NRG3: variants seen among roughly 807,000 people sequenced by gnomAD.
The protein encoded by NRG3 is neuregulin 3, also known as pro-neuregulin-3, membrane-bound isoform.
Under a neutral mutation model 66.9 loss-of-function variants are expected in NRG3, and 31 were observed. The observed-to-expected ratio is 0.46, with a 90% CI of 0.35 to 0.63. The LOEUF (loss-of-function observed/expected upper bound fraction) is 0.63. Among genes scored for constraint, NRG3 ranks in the 20% least tolerant of loss-of-function variants. NRG3 has a pLI of 0.00. For synonymous variants in NRG3, 393 were observed against 359.4 expected (o/e 1.09, Z -1.06); for missense variants, 910 against 878.9 (o/e 1.04, Z -0.45).
At chr10:82,516,058 T>C (rs558178520) in intron 2 of NRG3, among the ~76,000 whole-genome samples, 148 of 152,258 alleles carry the variant, frequency 9.7e-4, no homozygotes, top group Non-Finnish European at 1.7e-3. Flanking sequence ...GTCTCAGAAC[T>C]TGTATGGCCA....
intron 2 of NRG3, among the ~76,000 whole-genome samples, chr10:82,688,738 T>C (rs541380027): frequency 2.6e-5 from 4 of 151,266 alleles, no homozygotes; most frequent in African/African-American, 9.7e-5. Flanking sequence ...AGAATGGCAT[T>C]CTCCTAGAAC....
intron 3 of NRG3, among the ~76,000 whole-genome samples, chr10:82,749,053 T>C (rs535847925): frequency 6.6e-6 from 1 of 152,268 alleles, no homozygotes; most frequent in East Asian, 1.9e-4. Flanking sequence ...GGATTTGTGG[T>C]GTCTTCTAAC....
chr10:82,795,665 A>C (rs1225454924), intron 3 of NRG3, among the ~76,000 whole-genome samples: 1 of 152,228 alleles, frequency 6.6e-6, no homozygotes, highest in Non-Finnish European at 1.5e-5. Context: ...AAAGTAGGAA[A>C]TAGAAAAATG....
chr10:81,899,464 A>T (rs772257805), intron 1 of NRG3, among the ~76,000 whole-genome samples: 22 of 152,242 alleles, frequency 1.4e-4, no homozygotes, highest in Non-Finnish European at 2.8e-4. Context: ...TGAAACATCC[A>T]TCATGATTCC....
rs1318852353 is a variant in NRG3, at chr10:82,614,315, A to C, written c.954-124262A>C. Among the ~76,000 whole-genome samples the C allele has an allele frequency of 3.3e-5, 5 of 152,178 alleles. No homozygotes were observed. The East Asian group carries it at 9.7e-4, about 29-fold the overall frequency. ...GCAGATGTGTACAGCAGCATTTTCC[A>C]ATGAGTTTGACATGGTTATGCTCTG... On this transcript the variant is annotated intron_variant, in intron 2 of 8. Transcript: ENST00000372141.
At chr10:82,648,199 A>T (rs1449310056) in intron 2 of NRG3, among the ~76,000 whole-genome samples, 3 of 152,268 alleles carry the variant, frequency 2.0e-5, no homozygotes, top group Non-Finnish European at 2.9e-5. Context: ...TAAGAAAGGG[A>T]TCCAGTTTCA....
chr10:82,946,550 C>T (rs1201260514), intron 4 of NRG3, among the ~76,000 whole-genome samples: 1 of 149,976 alleles, frequency 6.7e-6, no homozygotes, highest in East Asian at 1.9e-4. Flanking sequence ...AAAAAAAAAG[C>T]CAGCAGAAGA....
At chr10:82,772,356 G>A (rs2059744680) in intron 3 of NRG3, among the ~76,000 whole-genome samples, 1 of 151,702 alleles carries the variant, frequency 6.6e-6, no homozygotes, top group African/African-American at 2.4e-5. Context: ...CTCATTTAAT[G>A]AGAATTCTTA....
At chr10:82,015,662 T>C (rs769195921) in intron 1 of NRG3, among the ~76,000 whole-genome samples, 14 of 152,050 alleles carry the variant, frequency 9.2e-5, no homozygotes, top group Non-Finnish European at 1.8e-4. Flanking sequence ...TTAATTGACA[T>C]GTGAGTCAAT....
intron 1 of NRG3, among the ~76,000 whole-genome samples, chr10:82,245,195 A>T (rs2077181228): frequency 6.6e-6 from 1 of 152,132 alleles, no homozygotes; most frequent in Non-Finnish European, 1.5e-5. Flanking sequence ...GTGACAGATT[A>T]TGAGGCATTA....
At chr10:82,089,541 A>G (rs10490936) in intron 1 of NRG3, among the ~76,000 whole-genome samples, 1,657 of 152,300 alleles carry the variant, frequency 0.011, 14 homozygotes, top group Non-Finnish European at 0.018. Flanking sequence ...CAGCTCTTAG[A>G]CAATGAGATA....
intron 2 of NRG3, among the ~76,000 whole-genome samples, chr10:82,373,453 A>AGTC (rs1342804365): frequency 6.6e-6 from 1 of 152,198 alleles, no homozygotes; most frequent in Non-Finnish European, 1.5e-5. Flanking sequence ...GCCTCCCTGG[A>AGTC]GTCCTCTGAC....
chr10:82,738,703 C>A, intron 3 of NRG3, 53 bp downstream of exon 3: 1 of 1,438,508 alleles, frequency 7.0e-7, no homozygotes, highest in Non-Finnish European at 9.8e-7. Context: ...AGCGTTTATT[C>A]TGAGCAATGG....
At position 82,761,376 on chromosome 10, in the gene NRG3, A is replaced by G. The variant is rs191343464; in HGVS notation, c.1027+22726A>G. Among the ~76,000 whole-genome samples, 195 of 152,216 alleles carry G rather than the reference A, an allele frequency of 1.3e-3. 1 individual carries two copies. Among genetic ancestry groups the G allele is most frequent in the Admixed American group, 7.3e-3 (111 of 15,270 alleles). ...ATTTGTAGCCATAGTGCAATAAAAC[A>G]AGAAGCAAAAACAAAGTAACAGAAA... is the stretch of plus-strand genomic sequence containing the variant. On this transcript the variant is annotated intron_variant, in intron 3 of 8. Coordinates refer to ENST00000372141, the MANE Select transcript of NRG3 (RefSeq NM_001010848.4).
At chr10:82,845,809 A>G (rs2063284865) in intron 3 of NRG3, among the ~76,000 whole-genome samples, 1 of 152,202 alleles carries the variant, frequency 6.6e-6, no homozygotes, top group African/African-American at 2.4e-5. Flanking sequence ...ATCGAATCAC[A>G]AAAAGTACTA....
At chr10:82,463,385 G>A (rs1049216228) in intron 2 of NRG3, among the ~76,000 whole-genome samples, 1 of 152,002 alleles carries the variant, frequency 6.6e-6, no homozygotes, top group Non-Finnish European at 1.5e-5. Context: ...CTCTCTCTCT[G>A]TCTTCTCTCA....
chr10:82,243,694 TC>T (rs1215149623), intron 1 of NRG3, among the ~76,000 whole-genome samples: 1 of 152,186 alleles, frequency 6.6e-6, no homozygotes, highest in East Asian at 1.9e-4. Context: ...AATAAGTTAC[TC>T]CAACTTTCCC....
chr10:82,636,417 A>G (rs2050201459), intron 2 of NRG3, among the ~76,000 whole-genome samples: 1 of 152,208 alleles, frequency 6.6e-6, no homozygotes, highest in African/African-American at 2.4e-5. Context: ...CAAGAAAAGT[A>G]CAAGACAAGC....
At chr10:82,043,622 C>T (rs2063138774) in intron 1 of NRG3, among the ~76,000 whole-genome samples, 1 of 151,888 alleles carries the variant, frequency 6.6e-6, no homozygotes, top group African/African-American at 2.4e-5. Context: ...CCTGTCACCT[C>T]CACACATGGA....
Sources: allele counts gnomAD v4.1 joint callset (sites outside exome capture counted in the v4.1 genomes callset), GRCh38; gene constraint gnomAD v4.1.1; transcripts MANE v1.5; gene names NCBI Gene and HGNC (gene_info 2026-07-23, HGNC 2026-07-21).